DNAJC10: variants seen among roughly 807,000 people sequenced by gnomAD.
The protein encoded by DNAJC10 is DnaJ heat shock protein family (Hsp40) member C10, also known as endoplasmic reticulum disulfide reductase DNAJC10.
A neutral mutation model predicts 115.0 loss-of-function variants in DNAJC10; 101 were observed. That is an observed-to-expected ratio of 0.88 (90% CI 0.75 to 1.04). DNAJC10 has a LOEUF of 1.04. Among genes scored for constraint, DNAJC10 ranks in the 50% least tolerant of loss-of-function variants. The pLI is 0.00. For missense variants in DNAJC10, 981 were observed against 928.8 expected, an observed-to-expected ratio of 1.06 and a Z score of -0.73; for synonymous variants, 307 against 301.5, an observed-to-expected ratio of 1.02 and a Z score of -0.19.
chr2:182,768,466 T>C (rs1218895605), intron 22 of DNAJC10, among the ~76,000 whole-genome samples: 2 of 152,048 alleles, frequency 1.3e-5, no homozygotes, highest in Non-Finnish European at 2.9e-5. Flanking sequence ...CTGTCCAAAT[T>C]GAAAGACAAG....
chr2:182,753,600 T>TTTTTG (rs1694082556), intron 16 of DNAJC10, among the ~76,000 whole-genome samples: 2 of 147,622 alleles, frequency 1.4e-5, no homozygotes, highest in Non-Finnish European at 3.0e-5. Context: ...TTTTTTTTTT[T>TTTTTG]GAGACAGAGT....
At chr2:182,736,174 C>CT in intron 10 of DNAJC10, 75 bp from the exon 11 acceptor site, 2 of 1,424,972 alleles carry the variant, frequency 1.4e-6, no homozygotes, top group Non-Finnish European at 1.9e-6. Flanking sequence ...GTGTTTTTAG[C>CT]TAAGTAAAGC....
intron 15 of DNAJC10, 64 bp downstream of exon 15, chr2:182,751,849 C>T: frequency 6.4e-7 from 1 of 1,565,308 alleles, no homozygotes; most frequent in East Asian, 2.2e-5. Flanking sequence ...GGCAAAAAGA[C>T]ATTTTCTAGA....
At chr2:182,736,222 A>G (rs1319337215) in intron 10 of DNAJC10, 27 bp from the exon 11 acceptor site, 13 of 1,541,768 alleles carry the variant, frequency 8.4e-6, no homozygotes, top group Middle Eastern at 1.7e-4. Context: ...CATTTACAAC[A>G]TGGTTTGTTG....
rs1693110301 is a variant in DNAJC10 at position 182,720,052 on chromosome 2, T to C, written c.250T>C (p.Tyr84His). Residue 84 changes from tyrosine to histidine, a missense_variant, in exon 4 of 24, where the codon TAT becomes CAT. Transcript: ENST00000264065. ...HGDFLKINRA[Y>H]EVLKDEDLRK... ...CGATTTTTTAAAAATAAATAGAGCA[T>C]ATGAAGTACTCAAAGATGAAGATCT... 3 of 1,596,380 alleles carry C rather than the reference T, an allele frequency of 1.9e-6. No individual in the cohort carries two copies. Among genetic ancestry groups the C allele is most frequent in the Non-Finnish European group, 2.6e-6 (3 of 1,164,618 alleles).
At position 182,783,494 on chromosome 2, in the gene DNAJC10, T is replaced by C. The variant is rs189831876; in HGVS notation, c.*6362T>C. 1.3e-5 allele frequency: 2 copies of C among 152,270 alleles called. No individual in the cohort carries two copies. Among genetic ancestry groups the C allele is most frequent in the East Asian group, 3.9e-4 (2 of 5,192 alleles). 9.4% of individuals were successfully genotyped at this position (152,270 alleles called of 1,614,324 possible). On this transcript the variant is annotated 3_prime_UTR_variant, in exon 24 of 24. Coordinates refer to ENST00000264065, the MANE Select transcript of DNAJC10 (RefSeq NM_018981.4). ...GAAAGTAATAAAATGAAACAATTTG[T>C]TGGCTTTAATGTATTTAGGAAAAAT...
intron 22 of DNAJC10, among the ~76,000 whole-genome samples, chr2:182,769,120 C>T (rs1359110276): frequency 6.6e-6 from 1 of 152,110 alleles, no homozygotes; most frequent in Non-Finnish European, 1.5e-5. Context: ...ATGATGGTTT[C>T]CAGCTACATT....
At chr2:182,741,136 G>C (rs1693727663) in intron 12 of DNAJC10, 107 bp from the exon 13 acceptor site, 1 of 690,668 alleles carries the variant, frequency 1.4e-6, no homozygotes, top group Non-Finnish European at 2.4e-6. Flanking sequence ...ACAGTATTTT[G>C]AAATAATGGG....
chr2:182,717,492 C>T (rs1693024817), intron 2 of DNAJC10, among the ~76,000 whole-genome samples: 1 of 152,040 alleles, frequency 6.6e-6, no homozygotes, highest in Non-Finnish European at 1.5e-5. Flanking sequence ...GTAAAAAACC[C>T]TATGTTTCCT....
chr2:182,739,710 G>GT, intron 11 of DNAJC10: 1 of 1,013,272 alleles, frequency 9.9e-7, no homozygotes, highest in East Asian at 1.0e-4. Flanking sequence ...GATAAGATCT[G>GT]TATCATTGTA....
intron 22 of DNAJC10, among the ~76,000 whole-genome samples, chr2:182,768,497 G>A (rs955926911): frequency 6.6e-6 from 1 of 152,162 alleles, no homozygotes; most frequent in Non-Finnish European, 1.5e-5. Flanking sequence ...AGCCATTGAG[G>A]CCAGACAGGA....
intron 3 of DNAJC10, 114 bp from the exon 4 acceptor site, chr2:182,719,893 G>C (rs932441972): frequency 2.1e-6 from 1 of 472,228 alleles, no homozygotes; most frequent in Non-Finnish European, 3.5e-6. Flanking sequence ...CCCTCCTTAT[G>C]TTGGTATATG....
rs192927171 is a variant in DNAJC10 at position 182,754,866 on chromosome 2, T to A, written c.1552-137T>A. Reference sequence around the variant, plus strand: ...AGTCCTTTGCTAAATTTGGTGAGACTAAAATTTTTGTCACCAGAAATTTAG... The same window carrying A: ...AGTCCTTTGCTAAATTTGGTGAGACAAAAATTTTTGTCACCAGAAATTTAG... On this transcript the variant is annotated intron_variant, in intron 16 of 23. Coordinates refer to ENST00000264065, the MANE Select transcript of DNAJC10 (RefSeq NM_018981.4). 355 of 1,339,596 alleles carry A rather than the reference T, an allele frequency of 2.7e-4. 5 individuals carry two copies. The African/African-American group carries it at 4.8e-3, about 18-fold the overall frequency. 83.0% of individuals were successfully genotyped at this position (1,339,596 alleles called of 1,614,324 possible). A position where few individuals can be genotyped will look rare whatever the true frequency, so the allele number is the denominator to read the frequency against.
At chr2:182,756,975 A>C (rs1401486150) in intron 18 of DNAJC10, among the ~76,000 whole-genome samples, 1 of 152,124 alleles carries the variant, frequency 6.6e-6, no homozygotes, top group African/African-American at 2.4e-5. Flanking sequence ...GCCAACAACA[A>C]CCCAAAAATT....
At chr2:182,751,949 C>G (rs1694031935) in intron 15 of DNAJC10, 123 bp from the exon 16 acceptor site, 1 of 1,194,998 alleles carries the variant, frequency 8.4e-7, no homozygotes, top group African/African-American at 1.5e-5. Context: ...GTAATTACTC[C>G]TCCAGGGAAG....
At chr2:182,743,964 AT>A in intron 14 of DNAJC10, among the ~76,000 whole-genome samples, 1 of 152,284 alleles carries the variant, frequency 6.6e-6, no homozygotes, top group Admixed American at 6.5e-5. Context: ...CTAGTGAGAA[AT>A]TTAAGTCCTG....
At chr2:182,730,013 A>G (rs1458213613) in intron 8 of DNAJC10, 72 bp downstream of exon 8, 3 of 996,992 alleles carry the variant, frequency 3.0e-6, no homozygotes, top group South Asian at 2.9e-5. Flanking sequence ...TAATGGCAAT[A>G]TTAACATTTT....
rs1000595395 is a variant in DNAJC10 at position 182,786,845 on chromosome 2, G to T, written c.*9713G>T. 9.8e-5 allele frequency: 15 copies of T among 152,288 alleles called. No individual in the cohort carries two copies. Among genetic ancestry groups the T allele is most frequent in the East Asian group, 3.9e-4 (2 of 5,182 alleles). 9.4% of individuals were successfully genotyped at this position (152,288 alleles called of 1,614,324 possible). On this transcript the variant is annotated 3_prime_UTR_variant, in exon 24 of 24. Transcript: ENST00000264065. ...TTATGTTGAAATCCTAACCCCCAAG[G>T]TAATGGTATTAGGAATGTGAGGCCT...
rs1182065146 is a variant in DNAJC10 at position 182,780,473 on chromosome 2, G to A, written c.*3341G>A. The A allele has an allele frequency of 6.6e-6, 1 of 152,162 alleles. No homozygotes were observed. The highest frequency in any genetic ancestry group is 1.5e-5 in the Non-Finnish European group (1 of 68,046). The allele number at this position is 152,162 out of a possible 1,614,324, so 9.4% of individuals were successfully genotyped here. A position where few individuals can be genotyped will look rare whatever the true frequency, so the allele number is the denominator to read the frequency against. ...CCTCACCAGAAGCTGAGCAGATGCT[G>A]GTGCCATGTTTTTACAGCCTGCAGA... On this transcript the variant is annotated 3_prime_UTR_variant, in exon 24 of 24. Coordinates refer to ENST00000264065, the MANE Select transcript of DNAJC10 (RefSeq NM_018981.4).
Sources: gnomAD v4.1 joint callset for allele counts (sites outside exome capture counted in the v4.1 genomes callset) on GRCh38, gnomAD v4.1.1 for gene constraint, MANE v1.5 for transcripts, NCBI Gene and HGNC (gene_info 2026-07-23, HGNC 2026-07-21) for gene names.